CTXND1: variants seen among roughly 807,000 people sequenced by gnomAD.
CTXND1 encodes the protein cortexin domain-containing 1 protein.
chr15:80,245,308 G>A (rs972898067), intron 1 of CTXND1, among the ~76,000 whole-genome samples: 1 of 152,152 alleles, frequency 6.6e-6, no homozygotes, highest in Non-Finnish European at 1.5e-5. Context: ...TGTTTACATC[G>A]AGACTGATGT....
At chr15:80,203,541 C>T (rs73485383) in intron 2 of CTXND1, 48 bp downstream of exon 2, 223 of 152,286 alleles carry the variant, frequency 1.5e-3, no homozygotes, top group African/African-American at 4.3e-3. Flanking sequence ...ACGCCTTCCC[C>T]TCTCTTAGAC....
chr15:80,204,320 A>G (rs934229153), intron 1 of CTXND1, among the ~76,000 whole-genome samples: 3 of 151,272 alleles, frequency 2.0e-5, no homozygotes, highest in Admixed American at 2.0e-4. Flanking sequence ...AGTGGCATTT[A>G]TGTGTACTGT....
At chr15:80,207,567 G>T (rs1201001028) in intron 1 of CTXND1, among the ~76,000 whole-genome samples, 4 of 152,040 alleles carry the variant, frequency 2.6e-5, no homozygotes, top group Non-Finnish European at 5.9e-5. Context: ...TGCTTCTATT[G>T]TTTATTTTTT....
intron 1 of CTXND1, among the ~76,000 whole-genome samples, chr15:80,209,271 G>A (rs1893180604): frequency 6.6e-6 from 1 of 152,212 alleles, no homozygotes; most frequent in Non-Finnish European, 1.5e-5. Flanking sequence ...TACCAGGCAG[G>A]CATAAGTCCT....
At position 80,202,003 on chromosome 15, in the gene CTXND1, C is replaced by A; in HGVS notation, c.-54G>T. 3 of 398,850 alleles carry A rather than the reference C, an allele frequency of 7.5e-6. No homozygotes were observed. Among genetic ancestry groups the A allele is most frequent in the South Asian group, 2.6e-4 (2 of 7,754 alleles). 24.7% of individuals were successfully genotyped at this position (398,850 alleles called of 1,614,324 possible). On this transcript the variant is annotated 5_prime_UTR_variant, in exon 3 of 3. The change abolishes an upstream ATG in the 5' untranslated region. Transcript: ENST00000560778. ...CCTCCGCCTCGGGTTTGACTGGTAC[C>A]ATTTTCCACCCCTGCAGAGACAGCC...
At chr15:80,247,372 T>C (rs1043885419) in intron 1 of CTXND1, among the ~76,000 whole-genome samples, 2 of 152,076 alleles carry the variant, frequency 1.3e-5, no homozygotes, top group East Asian at 3.9e-4. Flanking sequence ...TTTTGTCTTG[T>C]GTGAATAGTC....
At position 80,202,033 on chromosome 15, in the gene CTXND1, C is replaced by T. The variant is rs1300220599; in HGVS notation, c.-65-19G>A. 2.8e-5 allele frequency: 11 copies of T among 398,096 alleles called. No individual in the cohort carries two copies. The highest frequency in any genetic ancestry group is 3.1e-5 in the Non-Finnish European group (7 of 226,092). 24.7% of individuals were successfully genotyped at this position (398,096 alleles called of 1,614,324 possible). ...TCCACCCCTGCAGAGACAGCCACAG[C>T]AGTGGGGAAGGAGGGGCATGGTCAG... On this transcript the variant is annotated intron_variant, in intron 2 of 2. Coordinates refer to ENST00000560778, the MANE Select transcript of CTXND1 (RefSeq NM_001352888.2).
At position 80,201,689 on chromosome 15, in the gene CTXND1, G is replaced by C. The variant is rs932220076; in HGVS notation, c.*81C>G. 6 of 397,952 alleles carry C rather than the reference G, an allele frequency of 1.5e-5. No homozygotes were observed. In the Admixed American group the frequency reaches 2.2e-4, roughly 15 times the overall value. The allele number at this position is 397,952 out of a possible 1,614,324, so 24.7% of individuals were successfully genotyped here. ...CATTCCTTGCCTCTGTGGGATGGCA[G>C]GCTGGCAGGGAACACACGGATGCAT... On this transcript the variant is annotated 3_prime_UTR_variant, in exon 3 of 3. Coordinates refer to ENST00000560778, the MANE Select transcript of CTXND1 (RefSeq NM_001352888.2).
chr15:80,228,842 C>T (rs1043014178), intron 1 of CTXND1, among the ~76,000 whole-genome samples: 1 of 151,994 alleles, frequency 6.6e-6, no homozygotes, highest in Non-Finnish European at 1.5e-5. Context: ...CTTGGGCAGG[C>T]TGGTCTTGAA....
intron 1 of CTXND1, among the ~76,000 whole-genome samples, chr15:80,248,897 A>G (rs1893663643): frequency 6.6e-6 from 1 of 152,088 alleles, no homozygotes; most frequent in Admixed American, 6.5e-5. Flanking sequence ...CATGTCTGCC[A>G]CCAGGCTGGG....
At chr15:80,237,353 A>AG (rs914727465) in intron 1 of CTXND1, among the ~76,000 whole-genome samples, 8 of 151,648 alleles carry the variant, frequency 5.3e-5, no homozygotes, top group African/African-American at 1.9e-4. Flanking sequence ...AAAAAAAAAA[A>AG]AAAAGAAAGA....
chr15:80,206,621 A>G, intron 1 of CTXND1, among the ~76,000 whole-genome samples: 1 of 151,790 alleles, frequency 6.6e-6, no homozygotes, highest in East Asian at 1.9e-4. Context: ...TAGCTTTCTA[A>G]TTGTTTACGT....
intron 1 of CTXND1, among the ~76,000 whole-genome samples, chr15:80,242,790 G>A (rs140115690): frequency 0.014 from 2,076 of 152,274 alleles, 58 homozygotes; most frequent in African/African-American, 0.048. Context: ...AGCTGCCAGA[G>A]TCCCCTTTAC....
intron 1 of CTXND1, among the ~76,000 whole-genome samples, chr15:80,241,934 C>A (rs1490343819): frequency 6.6e-6 from 1 of 152,198 alleles, no homozygotes; most frequent in African/African-American, 2.4e-5. Flanking sequence ...CTTCACCTTC[C>A]AAAACACTTT....
chr15:80,237,287 A>T (rs1292667581), intron 1 of CTXND1, among the ~76,000 whole-genome samples: 1 of 149,824 alleles, frequency 6.7e-6, no homozygotes, highest in Non-Finnish European at 1.5e-5. Context: ...GTGAGCCAAG[A>T]TCGCGCCACT....
chr15:80,219,937 C>T (rs764636086), intron 1 of CTXND1, among the ~76,000 whole-genome samples: 8 of 152,164 alleles, frequency 5.3e-5, no homozygotes, highest in African/African-American at 4.8e-5. Flanking sequence ...CAATCCCTCC[C>T]GCCCCGCAAT....
intron 1 of CTXND1, among the ~76,000 whole-genome samples, chr15:80,204,461 G>C (rs1428665873): frequency 1.3e-5 from 2 of 150,720 alleles, no homozygotes; most frequent in Non-Finnish European, 1.5e-5. Flanking sequence ...CCCAGCCCGG[G>C]GCGGCCACCA....
Position 80,204,183 on chromosome 15 carries a change from T to A in CTXND1, c.-217-443A>T, listed in dbSNP as rs1392539312. ...AAAAAAAAAAAAATATATATATATA[T>A]ATATATATATATATATACACAAACA... On this transcript the variant is annotated intron_variant, in intron 1 of 2. Transcript: ENST00000560778. Among the ~76,000 whole-genome samples the A allele has an allele frequency of 1.3e-3, 58 of 44,134 alleles. 1 individual carries two copies. Among genetic ancestry groups the A allele is most frequent in the African/African-American group, 3.8e-3 (35 of 9,324 alleles). The allele number at this position is 44,134 out of a possible 152,430, so 29.0% of individuals were successfully genotyped here. A position where few individuals can be genotyped will look rare whatever the true frequency, so the allele number is the denominator to read the frequency against.
intron 1 of CTXND1, among the ~76,000 whole-genome samples, chr15:80,235,007 C>A (rs1021645865): frequency 2.0e-5 from 3 of 152,112 alleles, no homozygotes; most frequent in African/African-American, 7.2e-5. Context: ...ACTCTGCCCC[C>A]CTGGTGGCTG....
Sources: allele counts gnomAD v4.1 joint callset (sites outside exome capture counted in the v4.1 genomes callset), GRCh38; gene constraint gnomAD v4.1.1; transcripts MANE v1.5; gene names NCBI Gene and HGNC (gene_info 2026-07-23, HGNC 2026-07-21).